Variants in SCN10A observed in about 807,000 individuals in gnomAD.
SCN10A encodes sodium voltage-gated channel alpha subunit 10.
In SCN10A, 162 loss-of-function variants were observed where a neutral mutation model predicts 170.7. The observed-to-expected ratio is 0.95, with a 90% CI of 0.84 to 1.08. The LOEUF is 1.08. Among genes scored for constraint, SCN10A ranks in the 50% least tolerant of loss-of-function variants. The pLI, the probability that SCN10A is intolerant of heterozygous loss-of-function variation, is 0.00. For missense variants in SCN10A, 2,527 were observed against 2,436.9 expected (o/e 1.04, Z -0.78); for synonymous variants, 985 against 904.6 (o/e 1.09, Z -1.59).
chr3:38,814,929 T>C (rs1028902366), intron 1 of SCN10A, among the ~76,000 whole-genome samples: 14 of 152,248 alleles, frequency 9.2e-5, no homozygotes, highest in African/African-American at 3.1e-4. Context: ...ACTTAAAATA[T>C]ATACACGTGG....
At chr3:38,786,334 T>C (rs768205617) in intron 4 of SCN10A, among the ~76,000 whole-genome samples, 13 of 152,088 alleles carry the variant, frequency 8.5e-5, no homozygotes, top group African/African-American at 1.4e-4. Context: ...TGCAGGGACA[T>C]GGATGAAGCT....
At chr3:38,771,671 G>A (rs1463143147) in intron 4 of SCN10A, among the ~76,000 whole-genome samples, 1 of 152,222 alleles carries the variant, frequency 6.6e-6, no homozygotes, top group Non-Finnish European at 1.5e-5. Context: ...TCTGGGGTTA[G>A]GCAGAGGGCA....
Position 38,750,190 on chromosome 3 carries a change from G to A in SCN10A, c.1756-6C>T. 1.9e-6 allele frequency: 3 copies of A among 1,573,096 alleles called. No homozygotes were observed. Among genetic ancestry groups the A allele is most frequent in the Non-Finnish European group, 2.6e-6 (3 of 1,143,696 alleles). ...TTTTGTCCTGCATCGAATGCCTGTT[G>A]AGACACAAACAGAGTCAGGACGCTC... is the stretch of plus-strand genomic sequence containing the variant. On this transcript the variant is annotated splice_region_variant and splice_polypyrimidine_tract_variant and intron_variant, in intron 12 of 27. Transcript: ENST00000449082.
In SCN10A at chr3:38,710,862, T is replaced by G. The variant is rs539838432; in HGVS notation, c.4125A>C (p.Ala1375=). The part of the protein sequence containing the change: ...TFKGWMDIMY[A]AVDSREVNMQ... ...GACTCACCTCCCGGGAATCAACAGCTGCATACATAATGTCCATCCAGCCTT... is the reference window on the plus strand; with the variant it reads ...GACTCACCTCCCGGGAATCAACAGCGGCATACATAATGTCCATCCAGCCTT... Residue 1375 remains alanine (A), a synonymous_variant, in exon 24 of 28, where the codon GCA becomes GCC. Coordinates refer to ENST00000449082, the MANE Select transcript of SCN10A (RefSeq NM_006514.4). 1 of 1,613,816 alleles carries G rather than the reference T, an allele frequency of 6.2e-7. No homozygotes were observed. Among genetic ancestry groups the G allele is most frequent in the Admixed American group, 1.7e-5 (1 of 59,980 alleles).
intron 5 of SCN10A, among the ~76,000 whole-genome samples, chr3:38,764,522 C>T (rs1186354721): frequency 2.0e-5 from 3 of 152,146 alleles, no homozygotes; most frequent in Non-Finnish European, 4.4e-5. Context: ...CCAACTCCAT[C>T]CAGCTTGCTG....
At chr3:38,767,487 A>T (rs939762568) in intron 5 of SCN10A, among the ~76,000 whole-genome samples, 1 of 151,934 alleles carries the variant, frequency 6.6e-6, no homozygotes, top group Non-Finnish European at 1.5e-5. Context: ...TCTTGATTTC[A>T]TTGTTGACCC....
At chr3:38,767,034 C>G (rs4676598) in intron 5 of SCN10A, among the ~76,000 whole-genome samples, 1 of 146,518 alleles carries the variant, frequency 6.8e-6, no homozygotes, top group African/African-American at 2.4e-5. Context: ...TTCATAGTAG[C>G]CTTGAATGAT....
In SCN10A at chr3:38,793,978, G is replaced by A. The variant is rs201415200; in HGVS notation, c.33C>T (p.Asn11=). The change falls in exon 2 of 28, where the codon AAC becomes AAT. Residue 11 remains asparagine (N), a synonymous_variant. Transcript: ENST00000449082. MEFPIGSLET[N]NFRRFTPESL... ...ACTCCGGAGTAAAGCGACGGAAGTT[G>A]TTAGTTTCGAGGGATCCAATGGGGA... The A allele has an allele frequency of 2.5e-6, 4 of 1,613,858 alleles. No homozygotes were observed. The African/African-American group carries it at 5.3e-5, about 22-fold the overall frequency.
At chr3:38,723,686 C>T in intron 18 of SCN10A, 133 bp from the exon 19 acceptor site, 1 of 1,114,818 alleles carries the variant, frequency 9.0e-7, no homozygotes, top group South Asian at 1.6e-5. Flanking sequence ...TGCTCTTCTC[C>T]CTGGAGCCCC....
chr3:38,791,979 A>G (rs2064287169), intron 3 of SCN10A, 71 bp downstream of exon 3: 1 of 1,560,478 alleles, frequency 6.4e-7, no homozygotes, highest in Admixed American at 1.9e-5. Flanking sequence ...GCTAACCTCT[A>G]AAGAAGGTAC....
Position 38,726,880 on chromosome 3 carries a change from A to G in SCN10A, c.2813T>C (p.Phe938Ser). Reference protein sequence around the residue: ...LCSFFSRSCPFPQPKAEPELV... With the variant: ...LCSFFSRSCPSPQPKAEPELV... ...CTCAGGCTCTGCCTTGGGCTGGGGG[A>G]ATGGGCAGGACCTGCTGAAGAAGCT... The change falls in exon 17 of 28, where the codon TTC (phenylalanine) becomes TCC (serine). Residue 938 changes from phenylalanine (F) to serine (S), a missense_variant. Transcript: ENST00000449082. The G allele has an allele frequency of 2.5e-6, 4 of 1,614,010 alleles. No homozygotes were observed. The highest frequency in any genetic ancestry group is 3.4e-6 in the Non-Finnish European group (4 of 1,179,990).
intron 25 of SCN10A, 108 bp from the exon 26 acceptor site, chr3:38,707,491 C>T (rs1395905734): frequency 2.7e-6 from 3 of 1,112,398 alleles, no homozygotes; most frequent in African/African-American, 3.1e-5. Context: ...CCCTCCTCTG[C>T]AGATAGACAA....
chr3:38,705,411 C>A (rs1205993935), intron 26 of SCN10A, among the ~76,000 whole-genome samples: 1 of 152,096 alleles, frequency 6.6e-6, no homozygotes, highest in Non-Finnish European at 1.5e-5. Context: ...GTGGAGGTCT[C>A]CCCCTGTGCC....
At chr3:38,764,823 T>C (rs1411658174) in intron 5 of SCN10A, among the ~76,000 whole-genome samples, 1 of 152,218 alleles carries the variant, frequency 6.6e-6, no homozygotes, top group African/African-American at 2.4e-5. Flanking sequence ...CTAGTTTACA[T>C]TCCCACCAGC....
At chr3:38,791,861 G>C (rs913450275) in intron 3 of SCN10A, among the ~76,000 whole-genome samples, 189 bp downstream of exon 3, 13 of 152,164 alleles carry the variant, frequency 8.5e-5, no homozygotes, top group Admixed American at 7.9e-4. Context: ...CACTTCTTCT[G>C]TGTCTTGGGA....
At chr3:38,719,214 C>T (rs570093154) in intron 20 of SCN10A, among the ~76,000 whole-genome samples, 3 of 152,108 alleles carry the variant, frequency 2.0e-5, no homozygotes, top group East Asian at 3.8e-4. Flanking sequence ...AAGTAAGAAT[C>T]GCCAACACAC....
At chr3:38,770,490 T>A (rs904357540) in intron 5 of SCN10A, among the ~76,000 whole-genome samples, 4 of 152,162 alleles carry the variant, frequency 2.6e-5, no homozygotes, top group African/African-American at 7.2e-5. Flanking sequence ...GAGGGAATTT[T>A]GGCTGCCTCT....
intron 1 of SCN10A, among the ~76,000 whole-genome samples, chr3:38,810,818 G>A (rs1029097465): frequency 2.0e-5 from 3 of 152,162 alleles, no homozygotes; most frequent in Non-Finnish European, 2.9e-5. Context: ...AGGTAAAAAT[G>A]AGATCTCAGT....
chr3:38,718,599 C>T, intron 21 of SCN10A, 54 bp downstream of exon 21: 2 of 1,574,964 alleles, frequency 1.3e-6, no homozygotes, highest in Non-Finnish European at 1.7e-6. Context: ...TAGCTGTAGC[C>T]AGGAGTCAGA....
Sources: allele counts gnomAD v4.1 joint callset (sites outside exome capture counted in the v4.1 genomes callset), GRCh38; gene constraint gnomAD v4.1.1; transcripts MANE v1.5; gene names NCBI Gene and HGNC (gene_info 2026-07-23, HGNC 2026-07-21).